FAM107B: variants seen among roughly 807,000 people sequenced by gnomAD.
The protein encoded by FAM107B is protein FAM107B.
Under a neutral mutation model 31.5 loss-of-function variants are expected in FAM107B, and 21 were observed. The observed-to-expected ratio is 0.67, with a 90% CI of 0.47 to 0.96. The LOEUF (loss-of-function observed/expected upper bound fraction) is 0.96. Ranked by LOEUF, FAM107B falls within the 40% of genes least tolerant of loss-of-function variation. The pLI is 0.00. For missense variants in FAM107B, 452 were observed against 377.1 expected (o/e 1.20, Z -1.64); for synonymous variants, 157 against 141.5 (o/e 1.11, Z -0.78).
At chr10:14,706,066 A>C (rs147788804) in intron 1 of FAM107B, among the ~76,000 whole-genome samples, 16 of 152,312 alleles carry the variant, frequency 1.1e-4, no homozygotes, top group South Asian at 6.2e-4. Flanking sequence ...AGACCACTAC[A>C]ACTCTGTTGA....
chr10:14,716,545 A>G (rs192305287), intron 1 of FAM107B, among the ~76,000 whole-genome samples: 2 of 152,216 alleles, frequency 1.3e-5, no homozygotes, highest in Non-Finnish European at 2.9e-5. Context: ...ATCACAGGCT[A>G]CTTGTGAGAA....
chr10:14,554,075 T>C (rs1053005912), intron 2 of FAM107B: 8 of 982,952 alleles, frequency 8.1e-6, no homozygotes, highest in Non-Finnish European at 9.7e-6. Flanking sequence ...ATGTCATATA[T>C]AATTAATGTA....
rs555827190 is a variant in FAM107B, at chr10:14,626,048, C to A, written c.469+41586G>T. Among the ~76,000 whole-genome samples the A allele has an allele frequency of 2.6e-5, 4 of 152,166 alleles. No individual in the cohort carries two copies. The East Asian group carries it at 7.7e-4, about 29-fold the overall frequency. Reference sequence around the variant, plus strand: ...GGGAGGCTTGGGATACTGGGTCCCCCCACCCCGGTACACTTGGGACTCTTT... The same window carrying A: ...GGGAGGCTTGGGATACTGGGTCCCCACACCCCGGTACACTTGGGACTCTTT... On this transcript the variant is annotated intron_variant, in intron 2 of 4. Coordinates refer to ENST00000181796, the MANE Select transcript of FAM107B (RefSeq NM_031453.4).
At chr10:14,737,376 G>A (rs952026631) in intron 1 of FAM107B, among the ~76,000 whole-genome samples, 5 of 152,114 alleles carry the variant, frequency 3.3e-5, no homozygotes, top group African/African-American at 4.8e-5. Context: ...ACTTCAGAAC[G>A]TCGAGGTGGG....
chr10:14,622,009 A>G (rs1414223489), intron 2 of FAM107B, among the ~76,000 whole-genome samples: 1 of 152,176 alleles, frequency 6.6e-6, no homozygotes, highest in Non-Finnish European at 1.5e-5. Context: ...ATACCCCAAA[A>G]CATGACCGCT....
At chr10:14,527,997 TTC>T (rs1274694142) in intron 3 of FAM107B, 14 of 362,150 alleles carry the variant, frequency 3.9e-5, no homozygotes, top group Non-Finnish European at 5.8e-5. Flanking sequence ...AATCTGCCTT[TTC>T]TTTTTTTTTT....
At chr10:14,691,406 C>A (rs193260302) in intron 1 of FAM107B, among the ~76,000 whole-genome samples, 1 of 152,322 alleles carries the variant, frequency 6.6e-6, no homozygotes, top group East Asian at 1.9e-4. Context: ...GGTTACTCTG[C>A]GGGCCAAGCT....
chr10:14,599,842 T>C (rs1463508321), intron 2 of FAM107B, among the ~76,000 whole-genome samples: 1 of 135,770 alleles, frequency 7.4e-6, no homozygotes, highest in Non-Finnish European at 1.6e-5. Flanking sequence ...TCACTGCTAT[T>C]CCTTGATCTA....
chr10:14,547,759 C>T (rs1848832858), intron 2 of FAM107B, among the ~76,000 whole-genome samples: 3 of 152,176 alleles, frequency 2.0e-5, no homozygotes, highest in African/African-American at 7.2e-5. Flanking sequence ...AAAAAGAGAC[C>T]TTAATGCCAG....
At chr10:14,523,387 AACAGCGCAC>A (rs1226996240) in intron 3 of FAM107B, among the ~76,000 whole-genome samples, 1 of 152,248 alleles carries the variant, frequency 6.6e-6, no homozygotes, top group Non-Finnish European at 1.5e-5. Context: ...GGGTGTAGGT[AACAGCGCAC>A]ACACACTCAT....
At chr10:14,544,468 A>G (rs905147532) in intron 2 of FAM107B, among the ~76,000 whole-genome samples, 2 of 152,146 alleles carry the variant, frequency 1.3e-5, no homozygotes, top group Non-Finnish European at 2.9e-5. Context: ...ACTCCCACCA[A>G]AGCCCAAATA....
At chr10:14,768,403 C>CAAAACTACAGT (rs1166502951) in intron 1 of FAM107B, among the ~76,000 whole-genome samples, 2 of 152,168 alleles carry the variant, frequency 1.3e-5, no homozygotes, top group African/African-American at 4.8e-5. Context: ...AAGTTCACTA[C>CAAAACTACAGT]AAAACTACAG....
At chr10:14,718,026 G>T (rs571418669) in intron 1 of FAM107B, among the ~76,000 whole-genome samples, 6 of 152,042 alleles carry the variant, frequency 3.9e-5, no homozygotes, top group African/African-American at 1.5e-4. Flanking sequence ...GGGTCCAGGA[G>T]AAGAAATATA....
At chr10:14,537,282 G>A (rs12242573) in intron 2 of FAM107B, among the ~76,000 whole-genome samples, 144 of 152,320 alleles carry the variant, frequency 9.5e-4, no homozygotes, top group African/African-American at 3.4e-3. Flanking sequence ...CTTGGAGCTG[G>A]TGTCCATGTC....
chr10:14,745,889 G>T (rs1362157403), intron 1 of FAM107B, among the ~76,000 whole-genome samples: 1 of 152,090 alleles, frequency 6.6e-6, no homozygotes, highest in Admixed American at 6.5e-5. Flanking sequence ...GCCTAATATT[G>T]ACAGTGGGGT....
At chr10:14,725,824 T>TTC (rs1359492599) in intron 1 of FAM107B, among the ~76,000 whole-genome samples, 8 of 142,808 alleles carry the variant, frequency 5.6e-5, no homozygotes, top group African/African-American at 7.8e-5. Flanking sequence ...TCAAATCCTT[T>TTC]TTTTTTTTTT....
chr10:14,524,187 G>A (rs1845980638), intron 3 of FAM107B, among the ~76,000 whole-genome samples: 1 of 152,024 alleles, frequency 6.6e-6, no homozygotes, highest in Admixed American at 6.6e-5. Flanking sequence ...GATTACAGGT[G>A]CCCGCAACCA....
At chr10:14,661,124 G>A (rs1211982599) in intron 2 of FAM107B, among the ~76,000 whole-genome samples, 1 of 152,060 alleles carries the variant, frequency 6.6e-6, no homozygotes, top group African/African-American at 2.4e-5. Context: ...GTTTCCCAAG[G>A]CCTCCCCAGC....
intron 1 of FAM107B, among the ~76,000 whole-genome samples, chr10:14,740,296 A>C (rs1294997871): frequency 6.6e-6 from 1 of 152,226 alleles, no homozygotes; most frequent in African/African-American, 2.4e-5. Context: ...TGAGCTATCA[A>C]GGCACAAAAA....
Sources: allele counts gnomAD v4.1 joint callset (sites outside exome capture counted in the v4.1 genomes callset), GRCh38; gene constraint gnomAD v4.1.1; transcripts MANE v1.5; gene names NCBI Gene and HGNC (gene_info 2026-07-23, HGNC 2026-07-21).